BNC2: variants seen among roughly 807,000 people sequenced by gnomAD.
BNC2 encodes basonuclin zinc finger protein 2, also known as zinc finger protein basonuclin-2.
A neutral mutation model predicts 76.3 loss-of-function variants in BNC2; 20 were observed. The observed-to-expected ratio is 0.26, with a 90% confidence interval of 0.18 to 0.38. The LOEUF is 0.38. BNC2 is among the 10% of genes least tolerant of loss of function. The probability of loss-of-function intolerance (pLI) is 1.00; values close to 1 mark genes in which losing one functional copy is unlikely to be tolerated. For synonymous variants in BNC2, 582 were observed against 514.8 expected (o/e 1.13, Z -1.77); for missense variants, 1,382 against 1,399.8 (o/e 0.99, Z 0.20).
intron 3 of BNC2, among the ~76,000 whole-genome samples, chr9:16,617,236 AACCT>A (rs1421454243): frequency 6.6e-6 from 1 of 152,142 alleles, no homozygotes; most frequent in African/African-American, 2.4e-5. Context: ...CAAACAAAAA[AACCT>A]ACTTTTGAAC....
intron 3 of BNC2, among the ~76,000 whole-genome samples, chr9:16,684,961 C>T (rs1395824010): frequency 6.6e-6 from 1 of 151,840 alleles, no homozygotes; most frequent in Non-Finnish European, 1.5e-5. Context: ...ACATATCTTC[C>T]AACGCATGAA....
At chr9:16,769,385 G>T (rs1188628880) in intron 1 of BNC2, among the ~76,000 whole-genome samples, 3 of 152,144 alleles carry the variant, frequency 2.0e-5, no homozygotes, top group African/African-American at 7.2e-5. Flanking sequence ...GGTTAAAGAA[G>T]AAGGATCATT....
intron 3 of BNC2, among the ~76,000 whole-genome samples, chr9:16,701,739 C>G (rs1016058688): frequency 2.0e-4 from 30 of 151,538 alleles, no homozygotes; most frequent in African/African-American, 7.0e-4. Flanking sequence ...GCCAGGAGTT[C>G]AAGACTAGCC....
chr9:16,715,684 G>A (rs1444938330), intron 3 of BNC2, among the ~76,000 whole-genome samples: 3 of 152,120 alleles, frequency 2.0e-5, no homozygotes, highest in Non-Finnish European at 2.9e-5. Flanking sequence ...GGTAACAATC[G>A]GCTGGAACCA....
rs751082440 is a variant in BNC2 at position 16,419,597 on chromosome 9, C to G, written c.2692G>C (p.Asp898His). Reference protein sequence around the residue: ...HRKLLTKELDDMGLDSSQPSL... With the variant: ...HRKLLTKELDHMGLDSSQPSL... ...GGCTGCGACGAGTCCAGGCCCATGT[C>G]ATCGAGTTCTTTGGTCAACAGTTTA... The change falls in exon 7 of 7, where the codon GAC (aspartate) becomes CAC (histidine). Residue 898 changes from aspartate (D) to histidine (H), a missense_variant. Asp to His is a moderately conservative substitution (Grantham distance 81). Coordinates refer to ENST00000380672, the MANE Select transcript of BNC2 (RefSeq NM_017637.6). 1 of 1,607,254 alleles carries G rather than the reference C, an allele frequency of 6.2e-7. No individual in the cohort carries two copies. Among genetic ancestry groups the G allele is most frequent in the Non-Finnish European group, 8.5e-7 (1 of 1,179,368 alleles).
At position 16,437,189 on chromosome 9, in the gene BNC2, C is replaced by A. The variant is rs1273500101; in HGVS notation, c.1005G>T (p.Leu335=). 1.2e-6 allele frequency: 2 copies of A among 1,614,020 alleles called. No individual in the cohort carries two copies. Among genetic ancestry groups the A allele is most frequent in the Non-Finnish European group, 1.7e-6 (2 of 1,180,026 alleles). The change falls in exon 6 of 7, where the codon CTG becomes CTT. Residue 335 remains leucine (L), a synonymous_variant. Coordinates refer to ENST00000380672, the MANE Select transcript of BNC2 (RefSeq NM_017637.6). ...GTAGCCCATTTGGAGGCAACCCTAG[C>A]AGTGGTGCTGAGACAGGGTTTATGT... ...FQYINPVSAP[L]LGLPPNGLLL...
intron 1 of BNC2, among the ~76,000 whole-genome samples, chr9:16,785,286 G>C (rs539459846): frequency 6.6e-6 from 1 of 152,174 alleles, no homozygotes; most frequent in Non-Finnish European, 1.5e-5. Flanking sequence ...TAATAGTGTG[G>C]ATGAACAGTT....
At chr9:16,606,905 T>C (rs1820402822) in intron 3 of BNC2, among the ~76,000 whole-genome samples, 1 of 152,174 alleles carries the variant, frequency 6.6e-6, no homozygotes, top group African/African-American at 2.4e-5. Context: ...CACAAGCTCC[T>C]TTGGCCTGCG....
intron 5 of BNC2, among the ~76,000 whole-genome samples, chr9:16,549,059 C>T (rs1032697687): frequency 6.6e-6 from 1 of 152,152 alleles, no homozygotes; most frequent in Non-Finnish European, 1.5e-5. Context: ...CTATCATCTC[C>T]CTTTTTCTAA....
chr9:16,845,743 G>A (rs1198119966), intron 1 of BNC2, among the ~76,000 whole-genome samples: 1 of 151,954 alleles, frequency 6.6e-6, no homozygotes, highest in Non-Finnish European at 1.5e-5. Context: ...AAATAAAATA[G>A]GAAAATTATA....
At chr9:16,727,361 C>A in intron 3 of BNC2, 1 of 194,226 alleles carries the variant, frequency 5.1e-6, no homozygotes, top group Non-Finnish European at 1.1e-5. Flanking sequence ...TAGGGCTGTT[C>A]TGAGGGGCCC....
chr9:16,567,408 C>T (rs1004040715), intron 4 of BNC2, among the ~76,000 whole-genome samples: 8 of 151,942 alleles, frequency 5.3e-5, no homozygotes, highest in Non-Finnish European at 1.0e-4. Context: ...TAAAATAGTG[C>T]TGGGGGTGGG....
At chr9:16,773,734 T>C (rs1216619949) in intron 1 of BNC2, among the ~76,000 whole-genome samples, 1 of 152,170 alleles carries the variant, frequency 6.6e-6, no homozygotes, top group Non-Finnish European at 1.5e-5. Flanking sequence ...ACACTGTGTA[T>C]GGTCTTATCA....
chr9:16,640,259 A>T (rs569135180), intron 3 of BNC2, among the ~76,000 whole-genome samples: 1 of 152,326 alleles, frequency 6.6e-6, no homozygotes, highest in Non-Finnish European at 1.5e-5. Flanking sequence ...TCCAGAAACC[A>T]AATATTCAGA....
chr9:16,697,055 C>T (rs1181844900), intron 3 of BNC2, among the ~76,000 whole-genome samples: 1 of 152,166 alleles, frequency 6.6e-6, no homozygotes, highest in Non-Finnish European at 1.5e-5. Context: ...TACCCATCTG[C>T]CCTGCAATAT....
intron 5 of BNC2, among the ~76,000 whole-genome samples, chr9:16,516,513 T>C (rs1396023079): frequency 6.6e-6 from 1 of 152,176 alleles, no homozygotes; most frequent in East Asian, 1.9e-4. Flanking sequence ...CCAAATTACA[T>C]ACATAGGTAC....
intron 5 of BNC2, among the ~76,000 whole-genome samples, chr9:16,478,639 C>G (rs1359877284): frequency 6.6e-6 from 1 of 152,102 alleles, no homozygotes; most frequent in African/African-American, 2.4e-5. Context: ...TCTTTTACCA[C>G]AAATTATAAG....
chr9:16,631,659 T>G (rs770615310), intron 3 of BNC2, among the ~76,000 whole-genome samples: 35 of 152,352 alleles, frequency 2.3e-4, no homozygotes, highest in Non-Finnish European at 3.4e-4. Context: ...TTCCGTGGCC[T>G]ACCATCGTGT....
intron 4 of BNC2, among the ~76,000 whole-genome samples, chr9:16,578,795 G>C (rs1239015885): frequency 6.6e-6 from 1 of 152,100 alleles, no homozygotes; most frequent in African/African-American, 2.4e-5. Flanking sequence ...GATTGTTTTA[G>C]GTGAATGAAG....
Sources: allele counts gnomAD v4.1 joint callset (sites outside exome capture counted in the v4.1 genomes callset), GRCh38; gene constraint gnomAD v4.1.1; transcripts MANE v1.5; gene names NCBI Gene and HGNC (gene_info 2026-07-23, HGNC 2026-07-21).